KCNH5: variants seen among roughly 807,000 people sequenced by gnomAD.
KCNH5 encodes the protein voltage-gated delayed rectifier potassium channel KCNH5.
Under a neutral mutation model 96.1 loss-of-function variants are expected in KCNH5, and 46 were observed. The observed-to-expected ratio is 0.48, with a 90% CI of 0.38 to 0.61. The LOEUF (loss-of-function observed/expected upper bound fraction) is 0.61. Among genes scored for constraint, KCNH5 ranks in the 20% least tolerant of loss-of-function variants. KCNH5 has a pLI of 0.00. For synonymous variants in KCNH5, 439 were observed against 449.8 expected (o/e 0.98, Z 0.30); for missense variants, 907 against 1,225.8 (o/e 0.74, Z 3.88).
intron 10 of KCNH5, among the ~76,000 whole-genome samples, chr14:62,748,820 G>A (rs1227538808): frequency 2.0e-5 from 3 of 152,058 alleles, no homozygotes; most frequent in Non-Finnish European, 4.4e-5. Context: ...GAATGAACTT[G>A]TCTTGTATTC....
intron 9 of KCNH5, among the ~76,000 whole-genome samples, chr14:62,782,259 TGA>T (rs1348691776): frequency 5.3e-5 from 8 of 152,174 alleles, no homozygotes; most frequent in African/African-American, 1.9e-4. Context: ...TGGGAAGCTC[TGA>T]GAGAAACATA....
chr14:62,859,092 T>C (rs1472758329), intron 7 of KCNH5, among the ~76,000 whole-genome samples: 1 of 152,198 alleles, frequency 6.6e-6, no homozygotes, highest in African/African-American at 2.4e-5. Flanking sequence ...AAGCACTGCA[T>C]GCAGGATAGG....
intron 8 of KCNH5, among the ~76,000 whole-genome samples, chr14:62,833,206 C>G (rs1489395038): frequency 6.6e-6 from 1 of 151,816 alleles, no homozygotes; most frequent in South Asian, 2.1e-4. Context: ...GTGTCACATT[C>G]AAGAATCATT....
chr14:62,879,366 T>C (rs559588618), intron 7 of KCNH5, among the ~76,000 whole-genome samples: 1 of 152,188 alleles, frequency 6.6e-6, no homozygotes, highest in African/African-American at 2.4e-5. Context: ...GATTATACTC[T>C]AATTATGTAA....
At chr14:62,817,461 T>C (rs1887011064) in intron 8 of KCNH5, among the ~76,000 whole-genome samples, 1 of 148,888 alleles carries the variant, frequency 6.7e-6, no homozygotes, top group Admixed American at 6.8e-5. Flanking sequence ...TCTGTGAACT[T>C]GAAGATGGGT....
At chr14:62,986,298 C>T (rs1057060509) in intron 5 of KCNH5, among the ~76,000 whole-genome samples, 1 of 152,020 alleles carries the variant, frequency 6.6e-6, no homozygotes, top group Admixed American at 6.6e-5. Flanking sequence ...CAAAAGAAAC[C>T]AATTAGGACC....
chr14:62,708,251 G>C lies in KCNH5; in HGVS notation c.2224C>G (p.Gln742Glu). 6.2e-7 allele frequency: 1 copy of C among 1,614,202 alleles called. No homozygotes were observed. Among genetic ancestry groups the C allele is most frequent in the Non-Finnish European group, 8.5e-7 (1 of 1,180,046 alleles). The change falls in exon 11 of 11, where the codon CAG becomes GAG. Residue 742 changes from glutamine (Q) to glutamate (E), a missense_variant. Gln to Glu is a conservative substitution (Grantham distance 29). Coordinates refer to ENST00000322893, the MANE Select transcript of KCNH5 (RefSeq NM_139318.5). The stretch of plus-strand genomic sequence containing the variant: ...GTTCCGGTGATGGAGGCTCCATTCT[G>C]TAAGGAGCGGCTCTCTACCTGGAGT... ...NQLQVESRSL[Q>E]NGASITGTSV...
intron 7 of KCNH5, among the ~76,000 whole-genome samples, chr14:62,853,951 G>A (rs1048175322): frequency 6.7e-6 from 1 of 149,150 alleles, no homozygotes; most frequent in African/African-American, 2.5e-5. Context: ...AGGTTGCAGT[G>A]AGCCGAGATA....
chr14:62,784,915 C>G (rs1442079348), intron 9 of KCNH5, among the ~76,000 whole-genome samples: 1 of 152,026 alleles, frequency 6.6e-6, no homozygotes, highest in African/African-American at 2.4e-5. Flanking sequence ...AGAGTATGAA[C>G]TCATGATAAA....
At chr14:62,962,534 G>C (rs942920699) in intron 6 of KCNH5, among the ~76,000 whole-genome samples, 9 of 152,124 alleles carry the variant, frequency 5.9e-5, no homozygotes, top group African/African-American at 2.2e-4. Flanking sequence ...AGTTAGTGAA[G>C]AAGAATATGC....
At chr14:62,832,150 T>G (rs1887366040) in intron 8 of KCNH5, among the ~76,000 whole-genome samples, 1 of 152,178 alleles carries the variant, frequency 6.6e-6, no homozygotes, top group African/African-American at 2.4e-5. Context: ...GTAAGAATGT[T>G]TAACATGAAA....
In KCNH5 at chr14:62,871,338, T is replaced by C. The variant is rs573443421; in HGVS notation, c.1370-21486A>G. Among the ~76,000 whole-genome samples the C allele has an allele frequency of 6.3e-4, 96 of 152,274 alleles. 1 individual carries two copies. In the Middle Eastern group the frequency reaches 0.014, roughly 22 times the overall value. ...ACTGGAGGGGCACCAAACCCAATAC[T>C]GGGGGTTTAAGAAAAGCTTCCCAGA... On this transcript the variant is annotated intron_variant, in intron 7 of 10. Transcript: ENST00000322893.
intron 5 of KCNH5, among the ~76,000 whole-genome samples, chr14:62,984,000 CA>C (rs1373609964): frequency 6.6e-6 from 1 of 152,060 alleles, no homozygotes; most frequent in Non-Finnish European, 1.5e-5. Context: ...ATGGCAACAA[CA>C]AAAAACAGTG....
intron 1 of KCNH5, among the ~76,000 whole-genome samples, chr14:63,037,134 G>A (rs4609762): frequency 0.25 from 37,502 of 151,910 alleles, 5,481 homozygotes; most frequent in East Asian, 0.43. Flanking sequence ...ACCGTTCTCC[G>A]TACTTACATG....
At chr14:62,769,656 T>C (rs954204868) in intron 10 of KCNH5, among the ~76,000 whole-genome samples, 5 of 152,266 alleles carry the variant, frequency 3.3e-5, no homozygotes, top group African/African-American at 1.2e-4. Context: ...GTAATTTTCA[T>C]AATCCTATTA....
chr14:62,772,387 C>A (rs1186367501), intron 10 of KCNH5, among the ~76,000 whole-genome samples: 1 of 151,870 alleles, frequency 6.6e-6, no homozygotes, highest in Non-Finnish European at 1.5e-5. Context: ...GCCTGTAATC[C>A]CAGTACTTCA....
chr14:62,942,065 C>T (rs1356462340), intron 7 of KCNH5, among the ~76,000 whole-genome samples: 2 of 152,184 alleles, frequency 1.3e-5, no homozygotes, highest in Non-Finnish European at 2.9e-5. Flanking sequence ...CTTTACAGAA[C>T]ATTTTCTATA....
At chr14:62,744,230 C>G (rs1244767351) in intron 10 of KCNH5, among the ~76,000 whole-genome samples, 1 of 152,094 alleles carries the variant, frequency 6.6e-6, no homozygotes, top group Non-Finnish European at 1.5e-5. Flanking sequence ...AGTTCCAGGA[C>G]TACTACTTTG....
At chr14:62,914,389 T>C (rs1889233114) in intron 7 of KCNH5, among the ~76,000 whole-genome samples, 2 of 152,068 alleles carry the variant, frequency 1.3e-5, no homozygotes, top group Admixed American at 1.3e-4. Flanking sequence ...ACAGAATAAA[T>C]TAAATAAAAC....
Sources: allele counts gnomAD v4.1 joint callset (sites outside exome capture counted in the v4.1 genomes callset), GRCh38; gene constraint gnomAD v4.1.1; transcripts MANE v1.5; gene names NCBI Gene and HGNC (gene_info 2026-07-23, HGNC 2026-07-21).